Variants in AMMECR1 observed in about 807,000 individuals in gnomAD.
AMMECR1 encodes the protein AMMECR nuclear protein 1.
AMMECR1 carries 3 observed loss-of-function variants against 22.5 expected under a neutral mutation model. That is an observed-to-expected ratio of 0.13 (90% CI 0.06 to 0.35). The LOEUF is 0.35. AMMECR1 is among the 10% of genes least tolerant of loss of function. The probability of loss-of-function intolerance (pLI) is 1.00; values close to 1 mark genes in which losing one functional copy is unlikely to be tolerated. For synonymous variants in AMMECR1, 130 were observed against 116.7 expected (o/e 1.11, Z -0.74); for missense variants, 235 against 278.7 (o/e 0.84, Z 1.12).
intron 2 of AMMECR1, among the ~76,000 whole-genome samples, chrX:110,378,004 G>C (rs1488324480): frequency 1.7e-5 from 1 of 58,486 alleles, no homozygotes; most frequent in African/African-American, 1.4e-4. Context: ...GCGAGACTCC[G>C]TCTCAAAAAA....
chrX:110,437,480 G>A (rs2068847503), intron 1 of AMMECR1, among the ~76,000 whole-genome samples: 2 of 112,038 alleles, frequency 1.8e-5, no homozygotes, highest in South Asian at 7.5e-4. Context: ...CACACAACTA[G>A]TAAGTAGCAG....
chrX:110,357,200 A>G (rs2068234938), intron 2 of AMMECR1, among the ~76,000 whole-genome samples: 1 of 111,903 alleles, frequency 8.9e-6, no homozygotes, highest in Non-Finnish European at 1.9e-5. Flanking sequence ...TTTTTAGATA[A>G]ATACATGGGA....
intron 2 of AMMECR1, among the ~76,000 whole-genome samples, chrX:110,263,885 T>C (rs559727122): frequency 5.3e-5 from 6 of 112,375 alleles, no homozygotes; most frequent in African/African-American, 1.6e-4. Context: ...GTGTGCTAGA[T>C]AGCTTTTTGT....
chrX:110,242,583 A>C (rs1287944636), intron 2 of AMMECR1, among the ~76,000 whole-genome samples: 1 of 112,035 alleles, frequency 8.9e-6, no homozygotes, highest in Non-Finnish European at 1.9e-5. Flanking sequence ...AAGAGGGCCC[A>C]CAAGTCCAAA....
intron 1 of AMMECR1, among the ~76,000 whole-genome samples, chrX:110,314,384 C>A (rs754423327): frequency 1.8e-5 from 2 of 111,829 alleles, no homozygotes; most frequent in African/African-American, 6.5e-5. Flanking sequence ...AGACTATAAC[C>A]AGTGGTTCGC....
Position 110,240,291 on chromosome X carries a change from G to A in AMMECR1, c.585-23659C>T, listed in dbSNP as rs144493011. On this transcript the variant is annotated intron_variant, in intron 2 of 5. Transcript: ENST00000262844. Reference sequence around the variant, plus strand: ...TTGGATAAAGAGTCAAGAATCATTGGTGTGCTGTATTCACGAGACACATCT... The same window carrying A: ...TTGGATAAAGAGTCAAGAATCATTGATGTGCTGTATTCACGAGACACATCT... 2.9e-4 allele frequency among the ~76,000 whole-genome samples: 31 copies of A among 105,274 alleles called. No homozygotes were observed. In the East Asian group the frequency reaches 7.0e-3, roughly 24 times the overall value. 91.4% of individuals were successfully genotyped at this position (105,274 alleles called of 115,157 possible). A position where few individuals can be genotyped will look rare whatever the true frequency, so the allele number is the denominator to read the frequency against.
At chrX:110,364,325 T>C (rs375127272) in intron 2 of AMMECR1, among the ~76,000 whole-genome samples, 19 of 111,675 alleles carry the variant, frequency 1.7e-4, no homozygotes, top group African/African-American at 6.2e-4. Context: ...AGAGTCATAT[T>C]CTAAATAAGT....
intron 2 of AMMECR1, among the ~76,000 whole-genome samples, chrX:110,329,067 A>G (rs1442957535): frequency 2.7e-5 from 3 of 112,274 alleles, no homozygotes; most frequent in Non-Finnish European, 5.6e-5. Context: ...TGGTTGAACT[A>G]ATTTGCACTC....
intron 3 of AMMECR1, among the ~76,000 whole-genome samples, chrX:110,212,631 C>T (rs1483296497): frequency 8.9e-6 from 1 of 112,170 alleles, no homozygotes; most frequent in African/African-American, 3.2e-5. Flanking sequence ...GTTAAAATTG[C>T]ATACTTATGG....
At chrX:110,325,245 C>T (rs189605434) in intron 2 of AMMECR1, among the ~76,000 whole-genome samples, 6 of 112,027 alleles carry the variant, frequency 5.4e-5, no homozygotes, top group African/African-American at 1.9e-4. Flanking sequence ...ACAATAATCT[C>T]ATCAGGAAAA....
At chrX:110,226,054 G>A (rs2067531145) in intron 2 of AMMECR1, among the ~76,000 whole-genome samples, 1 of 111,443 alleles carries the variant, frequency 9.0e-6, no homozygotes, top group African/African-American at 3.3e-5. Flanking sequence ...AATCCTTCAG[G>A]TGCATCCCTC....
chrX:110,392,249 A>G (rs778990608), intron 2 of AMMECR1, among the ~76,000 whole-genome samples: 43 of 109,656 alleles, frequency 3.9e-4, no homozygotes, highest in Middle Eastern at 4.7e-3. Context: ...TGAAAGATTT[A>G]AATGCTCAAA....
At chrX:110,432,073 G>A (rs1284716725) in intron 1 of AMMECR1, among the ~76,000 whole-genome samples, 2 of 112,014 alleles carry the variant, frequency 1.8e-5, no homozygotes, top group African/African-American at 6.5e-5. Context: ...GAGCTTTATG[G>A]CAGATGCTGA....
chrX:110,394,280 C>T (rs1405316877), intron 2 of AMMECR1, among the ~76,000 whole-genome samples: 1 of 111,783 alleles, frequency 8.9e-6, no homozygotes, highest in African/African-American at 3.3e-5. Flanking sequence ...GACAGGGTCT[C>T]ACTCCTCTCG....
At chrX:110,438,904 A>T (rs2068858938) in intron 1 of AMMECR1, among the ~76,000 whole-genome samples, 1 of 112,186 alleles carries the variant, frequency 8.9e-6, no homozygotes, top group Non-Finnish European at 1.9e-5. Flanking sequence ...GCCTTCTTTT[A>T]TTCTTATTCA....
Position 110,389,108 on chromosome X carries a change from A to G in AMMECR1, c.-148+37550T>C, listed in dbSNP as rs1225660861. ...AGGATCCATAGAGAAAGATGTTGGA[A>G]CATTTTGAATTAAAGAAAATTGAAC... On this transcript the variant is annotated intron_variant, in intron 2 of 7. Transcript: ENST00000372057. Among the ~76,000 whole-genome samples, 66 of 112,822 alleles carry G rather than the reference A, an allele frequency of 5.8e-4. 1 individual carries two copies. In the Admixed American group the frequency reaches 6.1e-3, roughly 10 times the overall value.
intron 2 of AMMECR1, among the ~76,000 whole-genome samples, chrX:110,378,917 C>T (rs1005909819): frequency 4.5e-4 from 50 of 110,364 alleles, no homozygotes; most frequent in African/African-American, 1.6e-3. Flanking sequence ...CTGCTGGACA[C>T]CCGTCCACCC....
chrX:110,254,282 A>G (rs2067700018), intron 2 of AMMECR1, among the ~76,000 whole-genome samples: 1 of 112,045 alleles, frequency 8.9e-6, no homozygotes, highest in Admixed American at 9.5e-5. Context: ...AGACCAGAGT[A>G]TCTTACAAAC....
At chrX:110,270,047 C>T (rs1471340898) in intron 1 of AMMECR1, among the ~76,000 whole-genome samples, 4 of 111,507 alleles carry the variant, frequency 3.6e-5, no homozygotes, top group African/African-American at 1.3e-4. Flanking sequence ...CATAGCTTTT[C>T]CTCTGAGTGT....
Sources: gnomAD v4.1 joint callset for allele counts (sites outside exome capture counted in the v4.1 genomes callset) on GRCh38, gnomAD v4.1.1 for gene constraint, MANE v1.5 for transcripts, NCBI Gene and HGNC (gene_info 2026-07-23, HGNC 2026-07-21) for gene names.